Variants in GRIN3A observed in about 807,000 individuals in gnomAD.
GRIN3A encodes the protein glutamate ionotropic receptor NMDA type subunit 3A, also known as glutamate receptor ionotropic, NMDA 3A.
Under a neutral mutation model 92.4 loss-of-function variants are expected in GRIN3A, and 47 were observed. The ratio of observed to expected loss-of-function variants is 0.51; its 90% confidence interval spans 0.40 to 0.65. GRIN3A has a LOEUF of 0.65. Ranked by LOEUF, GRIN3A falls within the 30% of genes least tolerant of loss-of-function variation. The pLI, the probability that GRIN3A is intolerant of heterozygous loss-of-function variation, is 0.00. For missense variants in GRIN3A, 1,324 were observed against 1,393.1 expected, an observed-to-expected ratio of 0.95 and a Z score of 0.79; for synonymous variants, 527 against 540.6, an observed-to-expected ratio of 0.97 and a Z score of 0.35.
rs148884035 is a variant in GRIN3A, at chr9:101,613,477, C to T, written c.2665G>A (p.Glu889Lys). The change falls in exon 6 of 9, where the codon GAG (glutamate) becomes AAG (lysine). Residue 889 changes from glutamate (E) to lysine (K), a missense_variant. By Grantham distance (56) the Glu-to-Lys change is moderately conservative. Transcript: ENST00000361820. ...PNSPLTANIS[E>K]LISQYKSHGF... is the part of the protein sequence containing the mutation. ...TGTGACTTGTATTGACTGATTAGCT[C>T]GGATATGTTGGCGGTCAATGGAGAG... The T allele has an allele frequency of 1.5e-5, 24 of 1,613,960 alleles. No homozygotes were observed. Among genetic ancestry groups the T allele is most frequent in the Middle Eastern group, 1.6e-4 (1 of 6,084 alleles).
intron 7 of GRIN3A, 77 bp downstream of exon 7, chr9:101,579,119 C>G: frequency 6.8e-7 from 1 of 1,469,742 alleles, no homozygotes; most frequent in Middle Eastern, 2.3e-4. Context: ...AGTAGTCTGA[C>G]ATAGGGCTCT....
chr9:101,650,672 G>A (rs1381765133), intron 3 of GRIN3A, among the ~76,000 whole-genome samples: 1 of 151,958 alleles, frequency 6.6e-6, no homozygotes, highest in Non-Finnish European at 1.5e-5. Flanking sequence ...ATAGAAATAG[G>A]TGACTGATAC....
intron 1 of GRIN3A, among the ~76,000 whole-genome samples, chr9:101,727,672 C>G (rs1830095880): frequency 6.6e-6 from 1 of 151,922 alleles, no homozygotes; most frequent in Admixed American, 6.6e-5. Context: ...GTTGATGAAA[C>G]TTCTTAGTAG....
At chr9:101,642,626 A>G (rs1401896555) in intron 3 of GRIN3A, among the ~76,000 whole-genome samples, 3 of 152,156 alleles carry the variant, frequency 2.0e-5, no homozygotes, top group African/African-American at 7.2e-5. Flanking sequence ...TGGCCTGTTA[A>G]GAACTGGCCA....
chr9:101,723,952 T>C (rs1469368607), intron 1 of GRIN3A, among the ~76,000 whole-genome samples: 1 of 152,100 alleles, frequency 6.6e-6, no homozygotes, highest in Non-Finnish European at 1.5e-5. Context: ...TCACAAACCC[T>C]GAGCTAGACA....
At chr9:101,704,815 A>G (rs754567106) in intron 1 of GRIN3A, among the ~76,000 whole-genome samples, 8 of 152,164 alleles carry the variant, frequency 5.3e-5, no homozygotes, top group Non-Finnish European at 1.0e-4. Flanking sequence ...AGATATTTTA[A>G]TTTAATTTAA....
At chr9:101,624,759 C>T (rs1334977087) in intron 4 of GRIN3A, among the ~76,000 whole-genome samples, 1 of 152,122 alleles carries the variant, frequency 6.6e-6, no homozygotes, top group Non-Finnish European at 1.5e-5. Context: ...ATGGCTGGGT[C>T]AAATGGTATT....
rs183075878 is a variant in GRIN3A, at chr9:101,655,125, C to T, written c.2352+14935G>A. Among the ~76,000 whole-genome samples, 210 of 151,984 alleles carry T rather than the reference C, an allele frequency of 1.4e-3. 1 individual carries two copies. The highest frequency in any genetic ancestry group is 1.7e-3 in the South Asian group (8 of 4,820). The stretch of plus-strand genomic sequence containing the variant: ...AATTACAGTACTCAATGGCTGAAAG[C>T]ATTTCAACAACTTTTGCCCATGGGG... On this transcript the variant is annotated intron_variant, in intron 3 of 8. Transcript: ENST00000361820.
rs531403415 is a variant in GRIN3A, at chr9:101,684,327, T to C, written c.1304+2269A>G. Among the ~76,000 whole-genome samples, 178 of 142,908 alleles carry C rather than the reference T, an allele frequency of 1.2e-3. 1 individual carries two copies. The highest frequency in any genetic ancestry group is 2.2e-3 in the Non-Finnish European group (145 of 66,960). 93.8% of individuals were successfully genotyped at this position (142,908 alleles called of 152,430 possible). A position where few individuals can be genotyped will look rare whatever the true frequency, so the allele number is the denominator to read the frequency against. ...CGGGGTTTCACCATATTGGCCAGGA[T>C]GGTCTGATCTCTTGACCTCGTGATC... On this transcript the variant is annotated intron_variant, in intron 2 of 8. Coordinates refer to ENST00000361820, the MANE Select transcript of GRIN3A (RefSeq NM_133445.3).
rs564715206 is a variant in GRIN3A, at chr9:101,621,956, T to C, written c.2614+1362A>G. Among the ~76,000 whole-genome samples the C allele has an allele frequency of 2.6e-5, 4 of 152,330 alleles. No individual in the cohort carries two copies. In the South Asian group the frequency reaches 8.3e-4, roughly 32 times the overall value. ...ATTGTTACATTAAAATGGGATTATA[T>C]ACTGAATGTTGTTTATTTTTCTAGC... On this transcript the variant is annotated intron_variant, in intron 5 of 8. Coordinates refer to ENST00000361820, the MANE Select transcript of GRIN3A (RefSeq NM_133445.3).
intron 4 of GRIN3A, among the ~76,000 whole-genome samples, chr9:101,625,019 G>A (rs890960628): frequency 6.6e-6 from 1 of 152,044 alleles, no homozygotes; most frequent in Non-Finnish European, 1.5e-5. Flanking sequence ...AAGAGGGAAT[G>A]GATTCTGTGA....
rs1829617366 is a variant in GRIN3A, at chr9:101,691,458, C to T, written c.700-4258G>A. 5.9e-5 allele frequency among the ~76,000 whole-genome samples: 9 copies of T among 152,108 alleles called. No homozygotes were observed. The South Asian group carries it at 1.9e-3, about 32-fold the overall frequency. ...GGGTTGGGAGAGACGAGTATTTGTA[C>T]TATACAAGCGTTCTTTAATTGGGAC... On this transcript the variant is annotated intron_variant, in intron 1 of 8. Coordinates refer to ENST00000361820, the MANE Select transcript of GRIN3A (RefSeq NM_133445.3).
chr9:101,695,259 A>G (rs994822185), intron 1 of GRIN3A, among the ~76,000 whole-genome samples: 3 of 152,164 alleles, frequency 2.0e-5, no homozygotes, highest in Non-Finnish European at 2.9e-5. Context: ...TTGAGTACCT[A>G]TTTTGTGTCA....
intron 2 of GRIN3A, 145 bp downstream of exon 2, chr9:101,686,451 C>T: frequency 1.1e-6 from 1 of 916,800 alleles, no homozygotes; most frequent in Non-Finnish European, 1.8e-6. Context: ...AAATACTAGC[C>T]TATATAACCA....
At chr9:101,654,672 TC>T (rs1450160637) in intron 3 of GRIN3A, among the ~76,000 whole-genome samples, 3 of 151,716 alleles carry the variant, frequency 2.0e-5, no homozygotes, top group Non-Finnish European at 2.9e-5. Flanking sequence ...CCTCTTTTCC[TC>T]CATAATTTTA....
At chr9:101,645,369 G>A (rs997882261) in intron 3 of GRIN3A, among the ~76,000 whole-genome samples, 3 of 151,746 alleles carry the variant, frequency 2.0e-5, no homozygotes, top group East Asian at 1.9e-4. Context: ...TGTATGTCAC[G>A]TTTTCTTTAT....
At chr9:101,659,328 C>T (rs1588270737) in intron 3 of GRIN3A, among the ~76,000 whole-genome samples, 1 of 150,728 alleles carries the variant, frequency 6.6e-6, no homozygotes, top group Non-Finnish European at 1.5e-5. Flanking sequence ...TTATAGATAT[C>T]TTATGACACA....
At chr9:101,598,576 T>C (rs1828170759) in intron 6 of GRIN3A, among the ~76,000 whole-genome samples, 1 of 152,144 alleles carries the variant, frequency 6.6e-6, no homozygotes, top group African/African-American at 2.4e-5. Context: ...TAATAATATA[T>C]ATTTTGTACA....
chr9:101,715,954 TA>T (rs1411060519), intron 1 of GRIN3A, among the ~76,000 whole-genome samples: 5 of 152,190 alleles, frequency 3.3e-5, no homozygotes, highest in Non-Finnish European at 7.4e-5. Flanking sequence ...TATTATATTT[TA>T]AAAAAGTAGA....
Sources: allele counts gnomAD v4.1 joint callset (sites outside exome capture counted in the v4.1 genomes callset), GRCh38; gene constraint gnomAD v4.1.1; transcripts MANE v1.5; gene names NCBI Gene and HGNC (gene_info 2026-07-23, HGNC 2026-07-21).